Variants in LAMA5 observed in about 807,000 individuals in gnomAD.
The protein encoded by LAMA5 is laminin subunit alpha-5.
In LAMA5, 260 loss-of-function variants were observed where a neutral mutation model predicts 433.4. The observed-to-expected ratio is 0.60, with a 90% confidence interval of 0.54 to 0.66. The LOEUF (loss-of-function observed/expected upper bound fraction) is 0.66, where lower values mean the gene tolerates loss of function less well. Ranked by LOEUF, LAMA5 falls within the 30% of genes least tolerant of loss-of-function variation. The pLI, the probability that LAMA5 is intolerant of heterozygous loss-of-function variation, is 0.00. For missense variants in LAMA5, 5,378 were observed against 5,258.5 expected, an observed-to-expected ratio of 1.02 and a Z score of -0.70; for synonymous variants, 2,620 against 2,226.6, an observed-to-expected ratio of 1.18 and a Z score of -4.97.
intron 11 of LAMA5, among the ~76,000 whole-genome samples, chr20:62,339,779 AAGTC>A (rs1256251918): frequency 6.6e-6 from 1 of 152,218 alleles, no homozygotes; most frequent in African/African-American, 2.4e-5. Context: ...TAACTTGTGA[AAGTC>A]AGGAAAGGAA....
chr20:62,310,082 C>T lies in LAMA5; in HGVS notation c.10735-1G>A. 6.2e-7 allele frequency: 1 copy of T among 1,610,434 alleles called. No homozygotes were observed. Among genetic ancestry groups the T allele is most frequent in the African/African-American group, 1.3e-5 (1 of 75,040 alleles). ...CTCCGTCATCCGCCCGCAGCAGGACCTGGCGGGGTAGGAAGGGAGGGTCAG... is the reference window on the plus strand; with the variant it reads ...CTCCGTCATCCGCCCGCAGCAGGACTTGGCGGGGTAGGAAGGGAGGGTCAG... On this transcript the variant is annotated splice_acceptor_variant, in intron 77 of 79. Coordinates refer to ENST00000252999, the MANE Select transcript of LAMA5 (RefSeq NM_005560.6). LOFTEE classifies it high-confidence loss of function.
rs570749239 is a variant in LAMA5, at chr20:62,352,151, T to C, written c.688-72A>G. 23 of 1,581,840 alleles carry C rather than the reference T, an allele frequency of 1.5e-5. No individual in the cohort carries two copies. In the East Asian group the frequency reaches 3.4e-4, roughly 23 times the overall value. ...AGCACTGCCCCTCCCGGGCCCACCT[T>C]TCCCTTCTCCAGCCCCGCTCGGCAC... is the stretch of plus-strand genomic sequence containing the variant. On this transcript the variant is annotated intron_variant, in intron 4 of 79. Coordinates refer to ENST00000252999, the MANE Select transcript of LAMA5 (RefSeq NM_005560.6).
intron 1 of LAMA5, among the ~76,000 whole-genome samples, chr20:62,364,534 G>A (rs1451120533): frequency 6.6e-6 from 1 of 152,234 alleles, no homozygotes; most frequent in Non-Finnish European, 1.5e-5. Flanking sequence ...GACAGGGTTG[G>A]GAAAACCAGG....
chr20:62,329,540 C>T (rs999013698), intron 32 of LAMA5, among the ~76,000 whole-genome samples: 2 of 152,214 alleles, frequency 1.3e-5, no homozygotes, highest in African/African-American at 4.8e-5. Context: ...TTCCTGGAGG[C>T]CCCACCTCCT....
At chr20:62,316,369 G>A (rs556214266) in intron 57 of LAMA5, 94 of 542,672 alleles carry the variant, frequency 1.7e-4, no homozygotes, top group Middle Eastern at 5.0e-4. Context: ...AGCTTGGCAC[G>A]CGTGTAGCCC....
Position 62,323,380 on chromosome 20 carries a change from C to T in LAMA5, c.6064+76G>A, listed in dbSNP as rs79261433. On this transcript the variant is annotated intron_variant, in intron 45 of 79. Coordinates refer to ENST00000252999, the MANE Select transcript of LAMA5 (RefSeq NM_005560.6). ...CAGCATCAGGCACACAGCCTACTTA[C>T]GGGGTACGCCCAGCAGGCCTCCCTC... is the stretch of plus-strand genomic sequence containing the variant. 1.6e-3 allele frequency: 1,873 copies of T among 1,205,228 alleles called. 18 individuals carry two copies. The African/African-American group carries it at 0.023, about 15-fold the overall frequency. The allele number at this position is 1,205,228 out of a possible 1,614,324, so 74.7% of individuals were successfully genotyped here.
chr20:62,332,527 C>A (rs945339315), intron 27 of LAMA5, 30 bp downstream of exon 27: 1 of 1,605,794 alleles, frequency 6.2e-7, no homozygotes, highest in East Asian at 2.2e-5. Context: ...CGGGCGTGCC[C>A]TTACTCCAGC....
chr20:62,325,229 A>G, intron 41 of LAMA5, 87 bp downstream of exon 41: 1 of 866,538 alleles, frequency 1.2e-6, no homozygotes, highest in South Asian at 1.9e-5. Context: ...AAGTGGAGGC[A>G]GCAAGGAAGG....
chr20:62,315,959 G>A lies in LAMA5; in HGVS notation c.7856C>T (p.Ala2619Val), dbSNP rs770249004. 19 of 1,601,132 alleles carry A rather than the reference G, an allele frequency of 1.2e-5. No individual in the cohort carries two copies. In the South Asian group the frequency reaches 2.1e-4, roughly 18 times the overall value. Residue 2619 changes from alanine (A) to valine (V), a missense_variant, in exon 58 of 80, where the codon GCC becomes GTC. Ala to Val is a moderately conservative substitution (Grantham distance 64). Transcript: ENST00000252999. ...AHIQAAQAML[A>V]MDTDETSKKI... The stretch of plus-strand genomic sequence containing the variant: ...CAGGCTCCGCATACCTGTGTCCATG[G>A]CAAGCATGGCCTGCGCCGCCTGGAT...
At chr20:62,328,716 ATGGGGCAGCAATGC>A in intron 34 of LAMA5, 114 bp downstream of exon 34, 1 of 962,478 alleles carries the variant, frequency 1.0e-6, no homozygotes, top group Non-Finnish European at 1.5e-6. Flanking sequence ...AGGCCCGCAG[ATGGGGCAGCAATGC>A]TGCCCTGCCA....
chr20:62,344,572 C>G (rs1658058637), intron 11 of LAMA5, among the ~76,000 whole-genome samples: 1 of 152,056 alleles, frequency 6.6e-6, no homozygotes, highest in Admixed American at 6.6e-5. Flanking sequence ...CCTCAGCCCC[C>G]CAAGTAGCTG....
Position 62,309,242 on chromosome 20 carries a change from A to G in LAMA5, c.*94T>C. The G allele has an allele frequency of 8.1e-7, 1 of 1,231,454 alleles. No individual in the cohort carries two copies. The highest frequency in any genetic ancestry group is 1.1e-6 in the Non-Finnish European group (1 of 897,538). 76.3% of individuals were successfully genotyped at this position (1,231,454 alleles called of 1,614,324 possible). A position where few individuals can be genotyped will look rare whatever the true frequency, so the allele number is the denominator to read the frequency against. Reference sequence around the variant, plus strand: ...CAGAAACAAGATCTGTCACCCGTAGAGCTTAGAGTCCAAATAGACACCTAT... The same window carrying G: ...CAGAAACAAGATCTGTCACCCGTAGGGCTTAGAGTCCAAATAGACACCTAT... On this transcript the variant is annotated 3_prime_UTR_variant, in exon 80 of 80. Transcript: ENST00000252999.
rs1202649852 is a variant in LAMA5 at position 62,318,841 on chromosome 20, A to C, written c.7042+2T>G. On this transcript the variant is annotated splice_donor_variant, in intron 52 of 79. Coordinates refer to ENST00000252999, the MANE Select transcript of LAMA5 (RefSeq NM_005560.6). LOFTEE classifies it high-confidence loss of function. ...CCGCCTGCCAGGGACAACACCACTCACATCTCTGTGCTGCAGCCAACTCAG... is the reference window on the plus strand; with the variant it reads ...CCGCCTGCCAGGGACAACACCACTCCCATCTCTGTGCTGCAGCCAACTCAG... 12 of 1,609,554 alleles carry C rather than the reference A, an allele frequency of 7.5e-6. No homozygotes were observed. In the Admixed American group the frequency reaches 1.7e-4, roughly 22 times the overall value.
rs1256803499 is a variant in LAMA5, at chr20:62,310,907, G to A, written c.10276C>T (p.His3426Tyr). The change falls in exon 74 of 80, where the codon CAC becomes TAC. Residue 3426 changes from histidine (H) to tyrosine (Y), a missense_variant. His to Tyr is a moderately conservative substitution (Grantham distance 83). Transcript: ENST00000252999. The stretch of plus-strand genomic sequence containing the variant: ...TCCTTCTTCTCGGCCCTCACCTTGT[G>A]CCAGCGGCCAGGCCGGGAGCGCTGG... ...SRQRSRPGRWHKVSVRWEKNR... is the reference protein window; with the variant it reads ...SRQRSRPGRWYKVSVRWEKNR... 3 of 1,610,134 alleles carry A rather than the reference G, an allele frequency of 1.9e-6. No homozygotes were observed. The highest frequency in any genetic ancestry group is 2.2e-5 in the South Asian group (2 of 90,876).
chr20:62,336,305 A>T, intron 18 of LAMA5, 35 bp downstream of exon 18: 1 of 1,445,306 alleles, frequency 6.9e-7, no homozygotes, highest in Non-Finnish European at 9.5e-7. Flanking sequence ...TTCCCCAAGG[A>T]ACCCCTGTAC....
Position 62,317,403 on chromosome 20 carries a change from C to T in LAMA5, c.7453G>A (p.Val2485Met). The change falls in exon 55 of 80, where the codon GTG (valine) becomes ATG (methionine). Residue 2485 changes from valine (V) to methionine (M), a missense_variant. Val to Met is a conservative substitution (Grantham distance 21). Transcript: ENST00000252999. ...TGTGCGTGGGCCTCGGCGGCCTCCA[C>T]TAGACGCAGCTTGCTGCCCGCCGGG... ...FSPAGSKLRL[V>M]EAAEAHAQQL... The T allele has an allele frequency of 1.2e-6, 2 of 1,609,558 alleles. No homozygotes were observed. Among genetic ancestry groups the T allele is most frequent in the Non-Finnish European group, 1.7e-6 (2 of 1,178,426 alleles).
At chr20:62,342,749 T>A (rs1443962406) in intron 11 of LAMA5, among the ~76,000 whole-genome samples, 1 of 152,220 alleles carries the variant, frequency 6.6e-6, no homozygotes, top group African/African-American at 2.4e-5. Flanking sequence ...TTTGTAAGTT[T>A]GACCAGACTT....
At position 62,313,151 on chromosome 20, in the gene LAMA5, C is replaced by G. The variant is rs770473429; in HGVS notation, c.8892G>C (p.Lys2964Asn). The G allele has an allele frequency of 1.2e-6, 2 of 1,604,280 alleles. No individual in the cohort carries two copies. The highest frequency in any genetic ancestry group is 1.7e-6 in the Non-Finnish European group (2 of 1,178,092). The change falls in exon 65 of 80, where the codon AAG becomes AAC. Residue 2964 changes from lysine (K) to asparagine (N), a missense_variant. Transcript: ENST00000252999. The part of the protein sequence containing the change: ...ISFDSQISTT[K>N]RFEQELRLVS... ...CGAGCCGCAGCTCCTGCTCGAAGCG[C>G]TTGGTGGTGCTGATCTGACTGTCGA...
Position 62,322,256 on chromosome 20 carries a change from G to T in LAMA5, c.6346+13C>A. 1 of 1,582,606 alleles carries T rather than the reference G, an allele frequency of 6.3e-7. No individual in the cohort carries two copies. Among genetic ancestry groups the T allele is most frequent in the Non-Finnish European group, 8.6e-7 (1 of 1,167,312 alleles). ...AGTCCCCATCCGCCCTCCTGTGACC[G>T]GCCAGCACTCACGCCTGCAGCCCTG... On this transcript the variant is annotated intron_variant, in intron 47 of 79. Transcript: ENST00000252999.
Sources: allele counts gnomAD v4.1 joint callset (sites outside exome capture counted in the v4.1 genomes callset), GRCh38; gene constraint gnomAD v4.1.1; transcripts MANE v1.5; gene names NCBI Gene and HGNC (gene_info 2026-07-23, HGNC 2026-07-21).